The following ATP6V1A variants were observed in gnomAD, a reference collection of about 807,000 sequenced individuals.
ATP6V1A encodes ATPase H+ transporting V1 subunit A, also known as V-type proton ATPase catalytic subunit A.
Under a neutral mutation model 70.1 loss-of-function variants are expected in ATP6V1A, and 18 were observed. The ratio of observed to expected loss-of-function variants is 0.26; its 90% CI spans 0.18 to 0.38. ATP6V1A has a LOEUF of 0.38. Ranked by LOEUF, ATP6V1A falls within the 10% of genes least tolerant of loss-of-function variation. The probability of loss-of-function intolerance (pLI) is 1.00; values close to 1 mark genes in which losing one functional copy is unlikely to be tolerated. For synonymous variants in ATP6V1A, 232 were observed against 253.8 expected, an observed-to-expected ratio of 0.91 and a Z score of 0.82; for missense variants, 424 against 772.4, an observed-to-expected ratio of 0.55 and a Z score of 5.35.
intron 1 of ATP6V1A, among the ~76,000 whole-genome samples, chr3:113,753,688 T>C (rs1454973753): frequency 7.0e-6 from 1 of 143,360 alleles, no homozygotes; most frequent in African/African-American, 2.6e-5. Flanking sequence ...ATTTCTATCA[T>C]GTGTCTTTTT....
intron 1 of ATP6V1A, among the ~76,000 whole-genome samples, chr3:113,762,498 G>C (rs535994625): frequency 1.8e-4 from 27 of 152,136 alleles, no homozygotes; most frequent in African/African-American, 6.5e-4. Context: ...AACCCAGGAC[G>C]TGGAGGTTGC....
intron 1 of ATP6V1A, among the ~76,000 whole-genome samples, chr3:113,770,963 C>CAG (rs1708832614): frequency 6.6e-6 from 1 of 151,612 alleles, no homozygotes; most frequent in Non-Finnish European, 1.5e-5. Context: ...GGTGTGGGGG[C>CAG]GCATGCCTGT....
At chr3:113,784,105 A>C (rs1347721738) in intron 3 of ATP6V1A, 119 bp from the exon 4 acceptor site, 11 of 906,494 alleles carry the variant, frequency 1.2e-5, no homozygotes, top group Non-Finnish European at 1.7e-5. Context: ...GTGAACTGAG[A>C]AAGTTTGGGA....
intron 12 of ATP6V1A, among the ~76,000 whole-genome samples, chr3:113,800,498 G>A (rs186549016): frequency 7.5e-4 from 114 of 152,210 alleles, no homozygotes; most frequent in Admixed American, 5.1e-3. Flanking sequence ...AGATGGTACC[G>A]AAAATCAAGG....
rs757539170 is a variant in ATP6V1A, at chr3:113,798,236, T to A, written c.1291-7T>A. The A allele has an allele frequency of 2.0e-5, 33 of 1,613,060 alleles. 1 individual carries two copies. In the Middle Eastern group the frequency reaches 8.2e-4, roughly 40 times the overall value. ...ACTGTTTTTGTGTGTGTGTTTTTTT[T>A]AATCAGGTGTTCTGGGGCTTAGATA... On this transcript the variant is annotated splice_polypyrimidine_tract_variant and splice_region_variant and intron_variant, in intron 11 of 14. Coordinates refer to ENST00000273398, the MANE Select transcript of ATP6V1A (RefSeq NM_001690.4).
At chr3:113,797,558 T>G (rs373886837) in intron 11 of ATP6V1A, among the ~76,000 whole-genome samples, 13 of 152,228 alleles carry the variant, frequency 8.5e-5, no homozygotes, top group African/African-American at 2.9e-4. Context: ...GCCTGGCCAG[T>G]TAGAGGTTTT....
intron 1 of ATP6V1A, among the ~76,000 whole-genome samples, chr3:113,764,612 G>A (rs1052494089): frequency 6.6e-6 from 1 of 152,126 alleles, no homozygotes; most frequent in African/African-American, 2.4e-5. Context: ...CTTCTTGGCT[G>A]TTTGCATCAT....
intron 2 of ATP6V1A, chr3:113,780,647 A>T (rs140589424): frequency 1.9e-4 from 149 of 792,214 alleles, no homozygotes; most frequent in Non-Finnish European, 2.4e-4. Context: ...CAGCGAAGTG[A>T]TAATTGTGTG....
intron 11 of ATP6V1A, among the ~76,000 whole-genome samples, chr3:113,797,560 A>G (rs1709166615): frequency 6.6e-6 from 1 of 152,244 alleles, no homozygotes; most frequent in African/African-American, 2.4e-5. Context: ...CTGGCCAGTT[A>G]GAGGTTTTTA....
chr3:113,755,732 T>C (rs928766536), intron 1 of ATP6V1A, among the ~76,000 whole-genome samples: 1 of 152,238 alleles, frequency 6.6e-6, no homozygotes, highest in Non-Finnish European at 1.5e-5. Context: ...TTCAGTTGAA[T>C]GGGTAATACA....
At chr3:113,747,262 C>T (rs1465824209) in intron 1 of ATP6V1A, 149 bp downstream of exon 1, 3 of 152,272 alleles carry the variant, frequency 2.0e-5, no homozygotes, top group Non-Finnish European at 4.4e-5. Flanking sequence ...GCTCATTTCT[C>T]CTTAACCCCC....
chr3:113,752,332 T>A (rs1458941967), intron 1 of ATP6V1A, among the ~76,000 whole-genome samples: 4 of 151,692 alleles, frequency 2.6e-5, no homozygotes, highest in Admixed American at 6.6e-5. Flanking sequence ...ACCTTTAAAA[T>A]TGAAAAAAGA....
At chr3:113,758,616 G>C (rs1708669912) in intron 1 of ATP6V1A, among the ~76,000 whole-genome samples, 1 of 151,990 alleles carries the variant, frequency 6.6e-6, no homozygotes, top group African/African-American at 2.4e-5. Flanking sequence ...CCACTTTTTG[G>C]CCATTATGAA....
rs775107680 is a variant in ATP6V1A at position 113,778,813 on chromosome 3, T to C, written c.60T>C (p.Tyr20=). ...AAGATAAAGAAAGCACATTTGGTTATGTGCATGGGGTCTCAGGACCTGGTA... is the reference window on the plus strand; with the variant it reads ...AAGATAAAGAAAGCACATTTGGTTACGTGCATGGGGTCTCAGGACCTGGTA... ...LDEDKESTFG[Y]VHGVSGPVVT... The change falls in exon 2 of 15, where the codon TAT becomes TAC. Residue 20 remains tyrosine (Y), a synonymous_variant. Transcript: ENST00000273398. The C allele has an allele frequency of 1.3e-6, 2 of 1,589,976 alleles. No homozygotes were observed. The highest frequency in any genetic ancestry group is 4.6e-5 in the East Asian group (2 of 43,382).
chr3:113,801,918 CA>C (rs1383140385), intron 12 of ATP6V1A, among the ~76,000 whole-genome samples: 195 of 73,884 alleles, frequency 2.6e-3, no homozygotes, highest in African/African-American at 6.9e-3. Context: ...AAGGGATTTA[CA>C]AAAAAAAAAA....
intron 1 of ATP6V1A, among the ~76,000 whole-genome samples, chr3:113,774,149 C>G (rs920502416): frequency 6.6e-6 from 1 of 151,476 alleles, no homozygotes; most frequent in Non-Finnish European, 1.5e-5. Flanking sequence ...AAACAGGATG[C>G]TATAGCAGTC....
chr3:113,784,909 GTAAT>G lies in ATP6V1A; in HGVS notation c.564+80_564+83del, dbSNP rs1043100238. On this transcript the variant is annotated intron_variant, in intron 5 of 14. Transcript: ENST00000273398. ...TAGCTGCCCAGTTTTAGTGCCCTAA[GTAAT>G]TAAAGAATTGATATTTAATACATAA... 8.7e-5 allele frequency: 124 copies of G among 1,418,878 alleles called. 1 individual carries two copies. In the Middle Eastern group the frequency reaches 4.0e-3, roughly 46 times the overall value. The allele number at this position is 1,418,878 out of a possible 1,614,324, so 87.9% of individuals were successfully genotyped here.
chr3:113,807,184 CT>C (rs34303608), intron 14 of ATP6V1A, among the ~76,000 whole-genome samples: 46,342 of 131,368 alleles, frequency 0.35, 6,930 homozygotes, highest in African/African-American at 0.39. Context: ...CTTTTTTTTT[CT>C]TTTTTTTTTT....
intron 1 of ATP6V1A, among the ~76,000 whole-genome samples, chr3:113,774,499 C>A (rs1302697051): frequency 6.6e-6 from 1 of 152,028 alleles, no homozygotes; most frequent in Non-Finnish European, 1.5e-5. Flanking sequence ...AGTCTTCAAA[C>A]CGTGGCATTT....
Sources: allele counts gnomAD v4.1 joint callset (sites outside exome capture counted in the v4.1 genomes callset), GRCh38; gene constraint gnomAD v4.1.1; transcripts MANE v1.5; gene names NCBI Gene and HGNC (gene_info 2026-07-23, HGNC 2026-07-21).